STARD8: variants seen among roughly 807,000 people sequenced by gnomAD.
The protein encoded by STARD8 is stAR-related lipid transfer protein 8.
STARD8 carries 25 observed loss-of-function variants against 69.4 expected under a neutral mutation model. The ratio of observed to expected loss-of-function variants is 0.36; its 90% CI spans 0.26 to 0.50. The LOEUF (loss-of-function observed/expected upper bound fraction) is 0.50, where lower values mean the gene tolerates loss of function less well. STARD8 is among the 20% of genes least tolerant of loss of function. The pLI, the probability that STARD8 is intolerant of heterozygous loss-of-function variation, is 0.96. For synonymous variants in STARD8, 389 were observed against 374.6 expected, an observed-to-expected ratio of 1.04 and a Z score of -0.45; for missense variants, 921 against 932.5, an observed-to-expected ratio of 0.99 and a Z score of 0.16.
chrX:68,657,291 T>C (rs1346428649), intron 1 of STARD8, among the ~76,000 whole-genome samples: 2 of 111,912 alleles, frequency 1.8e-5, no homozygotes. Context: ...AAAATGTGTG[T>C]GTGTGGGGGA....
intron 3 of STARD8, among the ~76,000 whole-genome samples, chrX:68,714,105 G>A (rs771986394): frequency 8.9e-6 from 1 of 111,765 alleles, no homozygotes; most frequent in Non-Finnish European, 1.9e-5. Context: ...AGCTCACCTG[G>A]GCTAGTGCAG....
chrX:68,721,059 C>T lies in STARD8; in HGVS notation c.2185C>T (p.Arg729Trp), dbSNP rs761535257. The T allele has an allele frequency of 9.1e-6, 11 of 1,210,208 alleles. No individual in the cohort carries two copies. Among genetic ancestry groups the T allele is most frequent in the Admixed American group, 4.4e-5 (2 of 45,802 alleles). The change falls in exon 9 of 15, where the codon CGG becomes TGG. Residue 729 changes from arginine to tryptophan, a missense_variant. Physicochemically the swap from Arg to Trp is moderately radical, Grantham distance 101 (BLOSUM62 -3). Coordinates refer to ENST00000374599, the MANE Select transcript of STARD8 (RefSeq NM_001142503.3). ...GGCTGACCTGCTAAAGCAGTATTTC[C>T]GGGACCTGCCTGAGCCCATCTTCAC... is the stretch of plus-strand genomic sequence containing the variant. Reference protein sequence around the residue: ...DVADLLKQYFRDLPEPIFTSK... With the variant: ...DVADLLKQYFWDLPEPIFTSK...
chrX:68,647,756 C>T lies in STARD8; in HGVS notation c.-127C>T. On this transcript the variant is annotated 5_prime_UTR_variant, in exon 1 of 15. Transcript: ENST00000374599. ...TCCGCCTCTCCCCTCGCGGGGCCGG[C>T]TCATGGAGCGCAGGGACCGGGCTGG... The T allele has an allele frequency of 1.1e-6, 1 of 885,288 alleles. No homozygotes were observed. Among genetic ancestry groups the T allele is most frequent in the South Asian group, 2.6e-5 (1 of 38,534 alleles). The allele number at this position is 885,288 out of a possible 1,213,427, so 73.0% of individuals were successfully genotyped here. A position where few individuals can be genotyped will look rare whatever the true frequency, so the allele number is the denominator to read the frequency against.
intron 2 of STARD8, among the ~76,000 whole-genome samples, chrX:68,688,518 GA>G (rs1445120511): frequency 9.0e-6 from 1 of 110,730 alleles, no homozygotes; most frequent in African/African-American, 3.3e-5. Context: ...GAATGGGAAG[GA>G]AGAGCCTCTC....
chrX:68,722,639 G>A lies in STARD8; in HGVS notation c.2792G>A (p.Cys931Tyr), dbSNP rs754694294. 5 of 1,209,807 alleles carry A rather than the reference G, an allele frequency of 4.1e-6. No homozygotes were observed. In the East Asian group the frequency reaches 1.5e-4, roughly 36 times the overall value. Reference protein sequence around the residue: ...VPGPQHTELACRKAPDGHPLR... With the variant: ...VPGPQHTELAYRKAPDGHPLR... ...GGGCCCCAGCACACGGAGCTGGCTTGCAGGAAGGTGAGTGCCACACCACGG... is the reference window on the plus strand; with the variant it reads ...GGGCCCCAGCACACGGAGCTGGCTTACAGGAAGGTGAGTGCCACACCACGG... The change falls in exon 12 of 15, where the codon TGC becomes TAC. Residue 931 changes from cysteine to tyrosine, a missense_variant. Coordinates refer to ENST00000374599, the MANE Select transcript of STARD8 (RefSeq NM_001142503.3).
rs765028882 is a variant in STARD8, at chrX:68,696,455, A to C, written c.80-16459A>C. Among the ~76,000 whole-genome samples the C allele has an allele frequency of 2.7e-5, 3 of 112,110 alleles. No homozygotes were observed. In the East Asian group the frequency reaches 8.5e-4, roughly 32 times the overall value. ...TCTGAAGTGCTGTGTTTGTGGGTGG[A>C]GTTTCCTTTTCCCCAGCCCTGCAGG... is the stretch of plus-strand genomic sequence containing the variant. On this transcript the variant is annotated intron_variant, in intron 2 of 14. Coordinates refer to ENST00000374599, the MANE Select transcript of STARD8 (RefSeq NM_001142503.3).
At position 68,724,652 on chromosome X, in the gene STARD8, A is replaced by C; in HGVS notation, c.*230A>C. Reference sequence around the variant, plus strand: ...CCCTTCACCCCCAACCCTGTATTCTACTCTCCCGAAAAGAGAAGAGAATCG... The same window carrying C: ...CCCTTCACCCCCAACCCTGTATTCTCCTCTCCCGAAAAGAGAAGAGAATCG... On this transcript the variant is annotated 3_prime_UTR_variant, in exon 15 of 15. Transcript: ENST00000374599. 1 of 334,780 alleles carries C rather than the reference A, an allele frequency of 3.0e-6. No homozygotes were observed. Among genetic ancestry groups the C allele is most frequent in the South Asian group, 8.3e-5 (1 of 12,118 alleles). 27.6% of individuals were successfully genotyped at this position (334,780 alleles called of 1,213,427 possible).
chrX:68,652,957 C>T (rs745919904), intron 1 of STARD8, among the ~76,000 whole-genome samples: 317 of 72,131 alleles, frequency 4.4e-3, no homozygotes, highest in African/African-American at 0.017. Context: ...CCACACCACA[C>T]ACACACACCA....
intron 8 of STARD8, 50 bp downstream of exon 8, chrX:68,720,473 G>T (rs2080138695): frequency 9.0e-7 from 1 of 1,115,065 alleles, no homozygotes. Flanking sequence ...GGGTGGGGTG[G>T]TGGTGGGCAT....
At chrX:68,713,028 C>T (rs763634470) in intron 3 of STARD8, 43 bp downstream of exon 3, 1 of 1,146,373 alleles carries the variant, frequency 8.7e-7, no homozygotes, top group South Asian at 1.9e-5. Context: ...TTCCCCTAGC[C>T]CTCAGTTTTT....
intron 2 of STARD8, among the ~76,000 whole-genome samples, chrX:68,706,778 GGTA>G (rs1326208955): frequency 8.8e-6 from 1 of 113,219 alleles, no homozygotes; most frequent in Admixed American, 9.3e-5. Context: ...TGCTGAGGAT[GGTA>G]GCTTCTGAGA....
chrX:68,722,464 G>C lies in STARD8; in HGVS notation c.2617G>C (p.Ala873Pro). 1 of 1,208,632 alleles carries C rather than the reference G, an allele frequency of 8.3e-7. No individual in the cohort carries two copies. The highest frequency in any genetic ancestry group is 1.7e-5 in the African/African-American group (1 of 57,859). ...MVLQLCSSYS[A>P]AELSPPGPAL... ...GCTGCAGCTGTGCAGCTCCTACAGC[G>C]CAGCTGAGCTCAGCCCTCCCGGCCC... is the stretch of plus-strand genomic sequence containing the variant. Residue 873 changes from alanine (A) to proline (P), a missense_variant, in exon 12 of 15, where the codon GCA becomes CCA. Ala to Pro is a conservative substitution (Grantham distance 27, BLOSUM62 -1). Coordinates refer to ENST00000374599, the MANE Select transcript of STARD8 (RefSeq NM_001142503.3).
intron 1 of STARD8, among the ~76,000 whole-genome samples, chrX:68,654,517 A>T (rs759551365): frequency 9.0e-6 from 1 of 111,435 alleles, no homozygotes; most frequent in Non-Finnish European, 1.9e-5. Context: ...TTCACTAGGC[A>T]CCATACTCAC....
At chrX:68,653,244 ACCACACATACACCAC>A (rs1276354720) in intron 1 of STARD8, among the ~76,000 whole-genome samples, 2 of 26,208 alleles carry the variant, frequency 7.6e-5, no homozygotes, top group Non-Finnish European at 1.4e-4. Context: ...ACACACACAC[ACCACACATACACCAC>A]ACACACCACA....
chrX:68,710,631 G>T (rs1374419100), intron 2 of STARD8, among the ~76,000 whole-genome samples: 1 of 112,044 alleles, frequency 8.9e-6, no homozygotes, highest in Non-Finnish European at 1.9e-5. Context: ...ATCAGGGGAG[G>T]GAGGTGCCTC....
chrX:68,656,251 G>T (rs1377525267), intron 1 of STARD8: 2 of 112,016 alleles, frequency 1.8e-5, no homozygotes, highest in African/African-American at 6.5e-5. Context: ...AAAGACACAT[G>T]AAAAAATGCT....
At chrX:68,675,965 C>A (rs2079762537) in intron 2 of STARD8, among the ~76,000 whole-genome samples, 2 of 112,063 alleles carry the variant, frequency 1.8e-5, no homozygotes, top group Middle Eastern at 4.6e-3. Context: ...CTCTGGGCCC[C>A]AATTTCCCTA....
At chrX:68,673,040 T>C (rs1375426388) in intron 2 of STARD8, among the ~76,000 whole-genome samples, 1 of 111,492 alleles carries the variant, frequency 9.0e-6, no homozygotes, top group African/African-American at 3.3e-5. Flanking sequence ...AAGGAGACTT[T>C]TAAGGAGGGG....
In STARD8 at chrX:68,718,192, A is replaced by G; in HGVS notation, c.1278A>G (p.Ser426=). Residue 426 remains serine (S), a synonymous_variant, in exon 6 of 15, where the codon TCA becomes TCG. Transcript: ENST00000374599. ...AGGAAGAGGAGGAGGCCACTTCATC[A>G]GTAGAAATAGCCACAGTTGAGGTCA... ...GDEEEEEATS[S]VEIATVEVKC... The G allele has an allele frequency of 7.4e-6, 9 of 1,211,591 alleles. No individual in the cohort carries two copies. Among genetic ancestry groups the G allele is most frequent in the Non-Finnish European group, 1.0e-5 (9 of 895,426 alleles).
Sources: gnomAD v4.1 joint callset for allele counts (sites outside exome capture counted in the v4.1 genomes callset) on GRCh38, gnomAD v4.1.1 for gene constraint, MANE v1.5 for transcripts, NCBI Gene and HGNC (gene_info 2026-07-23, HGNC 2026-07-21) for gene names.